Variants in DSCAML1 observed in about 807,000 individuals in gnomAD.
The protein encoded by DSCAML1 is DS cell adhesion molecule like 1.
DSCAML1 carries 38 observed loss-of-function variants against 200.5 expected under a neutral mutation model. The observed-to-expected ratio is 0.19, with a 90% CI of 0.15 to 0.25. The LOEUF (loss-of-function observed/expected upper bound fraction) is 0.25. Among genes scored for constraint, DSCAML1 ranks in the 10% least tolerant of loss-of-function variants. DSCAML1 has a pLI of 1.00. For missense variants in DSCAML1, 2,223 were observed against 2,858.8 expected (o/e 0.78, Z 5.07); for synonymous variants, 1,215 against 1,165.0 (o/e 1.04, Z -0.87).
chr11:117,504,946 C>A lies in DSCAML1; in HGVS notation c.2160G>T (p.Lys720Asn). 6.2e-7 allele frequency: 1 copy of A among 1,610,328 alleles called. No individual in the cohort carries two copies. The highest frequency in any genetic ancestry group is 8.5e-7 in the Non-Finnish European group (1 of 1,177,640). ...NCSVDGYPPP[K>N]VMWKHAKGSG... ...TACCCTTGGCATGCTTCCACATGAC[C>A]TTGGGTGGGGGGTAGCCGTCCACCG... The change falls in exon 10 of 33, where the codon AAG becomes AAT. Residue 720 changes from lysine (K) to asparagine (N), a missense_variant. Around this residue, in one of 7 missense-constraint regions of DSCAML1, gnomAD observed 212 missense variants for 368.0 expected, o/e 0.58. Coordinates refer to ENST00000651296, the MANE Select transcript of DSCAML1 (RefSeq NM_020693.4). The surrounding 1 kb of genome is among the most constrained non-coding windows in gnomAD (Gnocchi z 5.0).
Position 117,504,903 on chromosome 11 carries a change from C to T in DSCAML1, c.2182+21G>A. On this transcript the variant is annotated intron_variant, in intron 10 of 32. Coordinates refer to ENST00000651296, the MANE Select transcript of DSCAML1 (RefSeq NM_020693.4). The surrounding 1 kb of genome is among the most constrained non-coding windows in gnomAD (Gnocchi z 5.0). ...CCCGTCCCTGCCCTTCTTGGAGATT[C>T]TGGCTGGGCCAGGGGCTTACCCTTG... 1.3e-6 allele frequency: 2 copies of T among 1,584,978 alleles called. No individual in the cohort carries two copies. Among genetic ancestry groups the T allele is most frequent in the Non-Finnish European group, 1.7e-6 (2 of 1,161,486 alleles).
intron 20 of DSCAML1, among the ~76,000 whole-genome samples, chr11:117,447,374 C>T (rs9734599): frequency 0.027 from 4,068 of 152,144 alleles, 192 homozygotes; most frequent in African/African-American, 0.093. Context: ...GATTGCATTA[C>T]GTTATGTATA....
At chr11:117,736,103 T>G (rs1729687409) in intron 3 of DSCAML1, among the ~76,000 whole-genome samples, 1 of 152,176 alleles carries the variant, frequency 6.6e-6, no homozygotes, top group African/African-American at 2.4e-5. Flanking sequence ...CAGCTTAAAG[T>G]GATGTTATAA....
Position 117,793,384 on chromosome 11 carries a change from G to A in DSCAML1, c.46+3650C>T, listed in dbSNP as rs371755149. 7.9e-5 allele frequency among the ~76,000 whole-genome samples: 12 copies of A among 152,250 alleles called. No individual in the cohort carries two copies. In the East Asian group the frequency reaches 9.7e-4, roughly 12 times the overall value. On this transcript the variant is annotated intron_variant, in intron 1 of 32. Transcript: ENST00000651296. Reference sequence around the variant, plus strand: ...GGAAGAAGCTCGCAGCCTGGAACTCGTATCCCTGCAGAAAAACTCTCTGAG... The same window carrying A: ...GGAAGAAGCTCGCAGCCTGGAACTCATATCCCTGCAGAAAAACTCTCTGAG...
At chr11:117,743,900 A>G (rs888178454) in intron 3 of DSCAML1, among the ~76,000 whole-genome samples, 1 of 152,148 alleles carries the variant, frequency 6.6e-6, no homozygotes, top group Non-Finnish European at 1.5e-5. Context: ...ACTCGTCTAT[A>G]AACTCTGCCT....
chr11:117,430,372 C>G (rs2047761224), intron 32 of DSCAML1, among the ~76,000 whole-genome samples: 1 of 152,246 alleles, frequency 6.6e-6, no homozygotes, highest in African/African-American at 2.4e-5. Context: ...GGGATGCTCA[C>G]TACCGAATGA....
chr11:117,638,219 GTC>G (rs2137587241), intron 3 of DSCAML1, among the ~76,000 whole-genome samples: 1 of 152,152 alleles, frequency 6.6e-6, no homozygotes, highest in East Asian at 1.9e-4. Flanking sequence ...TCTCAGGACT[GTC>G]TCTGTTTTAG....
Position 117,633,615 on chromosome 11 carries a change from C to T in DSCAML1, c.512-101093G>A, listed in dbSNP as rs114785751. ...GGGCGATTTGAAAGGGATTACAGAC[C>T]CTCAATCCTTCAGCATGTGGGAGAA... is the stretch of plus-strand genomic sequence containing the variant. On this transcript the variant is annotated intron_variant, in intron 3 of 32. Transcript: ENST00000651296. 4.9e-3 allele frequency among the ~76,000 whole-genome samples: 741 copies of T among 152,300 alleles called. 7 individuals carry two copies. Among genetic ancestry groups the T allele is most frequent in the African/African-American group, 0.017 (699 of 41,568 alleles).
Position 117,780,238 on chromosome 11 carries a change from A to AAGAAAGAAAG in DSCAML1, c.364+245_364+254dup, listed in dbSNP as rs1370296275. 1.7e-3 allele frequency among the ~76,000 whole-genome samples: 116 copies of AAGAAAGAAAG among 66,364 alleles called. 10 individuals are homozygous for AAGAAAGAAAG. The highest frequency in any genetic ancestry group is 6.0e-3 in the African/African-American group (110 of 18,354). The allele number at this position is 66,364 out of a possible 152,430, so 43.5% of individuals were successfully genotyped here. A position where few individuals can be genotyped will look rare whatever the true frequency, so the allele number is the denominator to read the frequency against. On this transcript the variant is annotated intron_variant, in intron 2 of 32. Transcript: ENST00000651296. This position sits in a 1 kb window ranked among gnomAD's most constrained non-coding sequence, Gnocchi z 4.8. ...GAGAGAGAAAGAAAGAAAGGAAAGA[A>AAGAAAGAAAG]AGAAAGAAAGAAAGAAAGAAAGAAA...
At chr11:117,474,620 C>T (rs1239088183) in intron 14 of DSCAML1, among the ~76,000 whole-genome samples, 1 of 152,140 alleles carries the variant, frequency 6.6e-6, no homozygotes, top group African/African-American at 2.4e-5. Context: ...GAACTCTTGA[C>T]CATACACCCT....
intron 3 of DSCAML1, among the ~76,000 whole-genome samples, chr11:117,587,535 A>G (rs546625226): frequency 2.6e-5 from 4 of 152,190 alleles, no homozygotes; most frequent in Non-Finnish European, 5.9e-5. Context: ...AGGGAGCCCA[A>G]GACTCCAGAC....
At chr11:117,777,016 A>C (rs1806912526) in intron 2 of DSCAML1, 79 bp from the exon 3 acceptor site, 1 of 1,452,644 alleles carries the variant, frequency 6.9e-7, no homozygotes, top group Admixed American at 1.8e-5. Flanking sequence ...ACAGGGAGTC[A>C]GCTCAACTCC....
At chr11:117,775,476 T>C (rs1237885394) in intron 3 of DSCAML1, among the ~76,000 whole-genome samples, 1 of 152,148 alleles carries the variant, frequency 6.6e-6, no homozygotes, top group Non-Finnish European at 1.5e-5. Flanking sequence ...GCAGCTGTCT[T>C]CCAGGAGCTT....
At chr11:117,781,363 T>C (rs954358697) in intron 1 of DSCAML1, among the ~76,000 whole-genome samples, 3 of 151,894 alleles carry the variant, frequency 2.0e-5, no homozygotes, top group South Asian at 4.2e-4. Context: ...TTGGAATTTG[T>C]TCAGAATCAC....
rs762253824 is a variant in DSCAML1, at chr11:117,439,331, T to C, written c.4079A>G (p.Tyr1360Cys). The change falls in exon 23 of 33, where the codon TAC becomes TGC. Residue 1360 changes from tyrosine (Y) to cysteine (C), a missense_variant. By Grantham distance (194) the Tyr-to-Cys change is radical. Around this residue, in one of 7 missense-constraint regions of DSCAML1, gnomAD observed 614 missense variants for 739.1 expected, o/e 0.83. Transcript: ENST00000651296. Reference protein sequence around the residue: ...LRAVKAEDSGYYTCTATNTGG... With the variant: ...LRAVKAEDSGCYTCTATNTGG... ...AGTGTTGGTGGCCGTGCACGTGTAGTAGCCAGAGTCCTCAGCCTTCACTGC... is the reference window on the plus strand; with the variant it reads ...AGTGTTGGTGGCCGTGCACGTGTAGCAGCCAGAGTCCTCAGCCTTCACTGC... 6.2e-7 allele frequency: 1 copy of C among 1,614,016 alleles called. No homozygotes were observed. The highest frequency in any genetic ancestry group is 1.1e-5 in the South Asian group (1 of 91,080).
chr11:117,745,151 G>C (rs1260363081), intron 3 of DSCAML1, among the ~76,000 whole-genome samples: 1 of 142,950 alleles, frequency 7.0e-6, no homozygotes, highest in South Asian at 2.2e-4. Context: ...CAGGAGGGTG[G>C]TCATCTGGGT....
intron 16 of DSCAML1, among the ~76,000 whole-genome samples, chr11:117,465,465 C>T (rs1023592261): frequency 2.6e-5 from 4 of 152,208 alleles, no homozygotes; most frequent in South Asian, 2.1e-4. Context: ...TCCCCTCTGC[C>T]GCGTCCTTGC....
Position 117,575,212 on chromosome 11 carries a change from A to G in DSCAML1, c.512-42690T>C, listed in dbSNP as rs551321726. On this transcript the variant is annotated intron_variant, in intron 3 of 32. Coordinates refer to ENST00000651296, the MANE Select transcript of DSCAML1 (RefSeq NM_020693.4). Reference sequence around the variant, plus strand: ...ATTTCAAAAATAAAAAACAGAACAGAAGTCCTGTGTCCTGAGAACAAGACG... The same window carrying G: ...ATTTCAAAAATAAAAAACAGAACAGGAGTCCTGTGTCCTGAGAACAAGACG... Among the ~76,000 whole-genome samples the G allele has an allele frequency of 5.9e-5, 9 of 152,154 alleles. No homozygotes were observed. In the South Asian group the frequency reaches 1.9e-3, roughly 32 times the overall value.
At chr11:117,665,203 C>G (rs1026833037) in intron 3 of DSCAML1, among the ~76,000 whole-genome samples, 22 of 152,244 alleles carry the variant, frequency 1.4e-4, no homozygotes, top group Admixed American at 9.8e-4. Context: ...GTCTCCCTGA[C>G]CACACAATCG....
Sources: allele counts gnomAD v4.1 joint callset (sites outside exome capture counted in the v4.1 genomes callset), GRCh38; gene constraint gnomAD v4.1.1; regional missense constraint gnomAD v4.1.1; non-coding constraint Gnocchi (gnomAD v3.1); transcripts MANE v1.5; gene names NCBI Gene and HGNC (gene_info 2026-07-23, HGNC 2026-07-21).